HECW1: variants seen among roughly 807,000 people sequenced by gnomAD.
HECW1 encodes HECT, C2 and WW domain containing E3 ubiquitin protein ligase 1.
Under a neutral mutation model 182.3 loss-of-function variants are expected in HECW1, and 61 were observed. That is an observed-to-expected ratio of 0.33 (90% CI 0.27 to 0.41). HECW1 has a LOEUF of 0.41. Ranked by LOEUF, HECW1 falls within the 10% of genes least tolerant of loss-of-function variation. The pLI is 1.00. For synonymous variants in HECW1, 859 were observed against 832.6 expected (o/e 1.03, Z -0.55); for missense variants, 1,739 against 2,108.9 (o/e 0.82, Z 3.44).
intron 2 of HECW1, among the ~76,000 whole-genome samples, chr7:43,170,419 G>A (rs1200841453): frequency 6.6e-6 from 1 of 152,138 alleles, no homozygotes; most frequent in African/African-American, 2.4e-5. Context: ...CAAAAAGGTT[G>A]GAGACCGCTG....
intron 24 of HECW1, among the ~76,000 whole-genome samples, chr7:43,525,183 G>A (rs987297778): frequency 1.3e-5 from 2 of 152,090 alleles, no homozygotes; most frequent in Middle Eastern, 3.2e-3. Context: ...CCCAATAATC[G>A]GTCGGAATAT....
intron 3 of HECW1, among the ~76,000 whole-genome samples, chr7:43,291,638 T>G (rs1345779509): frequency 6.6e-6 from 1 of 152,244 alleles, no homozygotes; most frequent in African/African-American, 2.4e-5. Context: ...TACGATTTAT[T>G]CTTCAACAAC....
At position 43,507,157 on chromosome 7, in the gene HECW1, A is replaced by G. The variant is rs1421764020; in HGVS notation, c.3652A>G (p.Arg1218Gly). The G allele has an allele frequency of 1.9e-6, 3 of 1,613,840 alleles. No individual in the cohort carries two copies. Among genetic ancestry groups the G allele is most frequent in the Admixed American group, 3.3e-5 (2 of 59,992 alleles). The change falls in exon 22 of 30, where the codon AGA (arginine) becomes GGA (glycine). Residue 1218 changes from arginine (R) to glycine (G), a missense_variant. Transcript: ENST00000395891. ...NSPGLQRASA[R>G]APSPYRRDFE... ...TGCAGGTTTACAGAGAGCCAGTGCA[A>G]GAGCCCCTTCCCCCTACCGAAGAGA...
chr7:43,480,614 T>C (rs1307468966), intron 17 of HECW1, among the ~76,000 whole-genome samples: 2 of 150,938 alleles, frequency 1.3e-5, no homozygotes, highest in African/African-American at 2.4e-5. Context: ...AGTGAGTTTG[T>C]GTGTGTGTGC....
At chr7:43,279,708 T>A (rs1346756012) in intron 3 of HECW1, among the ~76,000 whole-genome samples, 1 of 152,216 alleles carries the variant, frequency 6.6e-6, no homozygotes, top group Non-Finnish European at 1.5e-5. Flanking sequence ...TCTCCCACCT[T>A]GATTCTCTTA....
chr7:43,221,558 T>G (rs1277326190), intron 2 of HECW1, among the ~76,000 whole-genome samples: 9 of 107,712 alleles, frequency 8.4e-5, no homozygotes, highest in Admixed American at 3.9e-4. Flanking sequence ...TTTTTTTTTT[T>G]TTTTTTTTTT....
chr7:43,466,480 A>T lies in HECW1; in HGVS notation c.2825A>T (p.Asn942Ile). The stretch of plus-strand genomic sequence containing the variant: ...AGAGAAGGGTCACTTTCTCCAGTGA[A>T]CTCACAAAAAATCACCTTGCTGCTG... ...LRREGSLSPV[N>I]SQKITLLLQS... The change falls in exon 15 of 30, where the codon AAC becomes ATC. Residue 942 changes from asparagine to isoleucine, a missense_variant. By Grantham distance (149) the Asn-to-Ile change is moderately radical (BLOSUM62 -3). This residue lies in a region of HECW1 where 971 missense variants were observed against 1,029.1 expected (regional missense o/e 0.94). Transcript: ENST00000395891. The T allele has an allele frequency of 6.2e-7, 1 of 1,613,752 alleles. No individual in the cohort carries two copies. The highest frequency in any genetic ancestry group is 8.5e-7 in the Non-Finnish European group (1 of 1,179,766).
intron 2 of HECW1, among the ~76,000 whole-genome samples, chr7:43,155,455 A>C (rs1789781197): frequency 6.6e-6 from 1 of 152,250 alleles, no homozygotes; most frequent in Non-Finnish European, 1.5e-5. Flanking sequence ...AATAGGAAGA[A>C]CAAGTAAACA....
intron 2 of HECW1, among the ~76,000 whole-genome samples, chr7:43,141,316 C>T (rs1788126872): frequency 6.6e-6 from 1 of 152,194 alleles, no homozygotes; most frequent in Non-Finnish European, 1.5e-5. Context: ...GCCACCTGTC[C>T]AGGAATTGCC....
rs1341523258 is a variant in HECW1 at position 43,129,972 on chromosome 7, G to A, written c.-32+15581G>A. Reference sequence around the variant, plus strand: ...GTCTGTACATGTTCATATAGATGCAGTTTTTTCTCAAATATTTTCAATCTG... The same window carrying A: ...GTCTGTACATGTTCATATAGATGCAATTTTTTCTCAAATATTTTCAATCTG... On this transcript the variant is annotated intron_variant, in intron 2 of 29. Transcript: ENST00000395891. Among the ~76,000 whole-genome samples, 4 of 152,290 alleles carry A rather than the reference G, an allele frequency of 2.6e-5. No individual in the cohort carries two copies. In the South Asian group the frequency reaches 8.3e-4, roughly 32 times the overall value.
At chr7:43,464,321 C>A (rs2077686797) in intron 14 of HECW1, among the ~76,000 whole-genome samples, 1 of 152,118 alleles carries the variant, frequency 6.6e-6, no homozygotes, top group South Asian at 2.1e-4. Context: ...AAATTCAGTT[C>A]CCCCAAGAGA....
At chr7:43,467,376 C>T (rs1017010561) in intron 15 of HECW1, among the ~76,000 whole-genome samples, 6 of 152,074 alleles carry the variant, frequency 3.9e-5, no homozygotes, top group Non-Finnish European at 8.8e-5. Context: ...AGAAAGGATG[C>T]ACCCGTGAGG....
chr7:43,115,171 C>T (rs189151363), intron 2 of HECW1, among the ~76,000 whole-genome samples: 246 of 152,282 alleles, frequency 1.6e-3, no homozygotes, highest in Non-Finnish European at 2.3e-3. Flanking sequence ...ATAATTATAA[C>T]GTGAACCATG....
chr7:43,280,178 G>C (rs979812437), intron 3 of HECW1, among the ~76,000 whole-genome samples: 4 of 152,186 alleles, frequency 2.6e-5, no homozygotes, highest in African/African-American at 9.7e-5. Flanking sequence ...GCTCCAAGGA[G>C]AGAGTGCCTC....
intron 24 of HECW1, among the ~76,000 whole-genome samples, chr7:43,531,259 G>A (rs1435955870): frequency 6.6e-6 from 1 of 152,180 alleles, no homozygotes; most frequent in Non-Finnish European, 1.5e-5. Context: ...AGGCCTGCCT[G>A]GATTTAACCC....
At chr7:43,137,053 T>C (rs151029334) in intron 2 of HECW1, among the ~76,000 whole-genome samples, 113 of 152,346 alleles carry the variant, frequency 7.4e-4, no homozygotes, top group African/African-American at 2.5e-3. Context: ...CTGTTAGAGT[T>C]AAGCAGTGAG....
chr7:43,434,222 C>T (rs2152868227), intron 8 of HECW1, among the ~76,000 whole-genome samples: 1 of 152,236 alleles, frequency 6.6e-6, no homozygotes, highest in Non-Finnish European at 1.5e-5. Flanking sequence ...GGATTAGTGG[C>T]CATTAAGGGC....
chr7:43,305,163 T>C (rs1807395751), intron 3 of HECW1, among the ~76,000 whole-genome samples: 1 of 152,220 alleles, frequency 6.6e-6, no homozygotes, highest in Non-Finnish European at 1.5e-5. Flanking sequence ...GCGATGACCT[T>C]GGCTTTTGTC....
At chr7:43,153,214 A>G (rs1366631283) in intron 2 of HECW1, among the ~76,000 whole-genome samples, 1 of 152,082 alleles carries the variant, frequency 6.6e-6, no homozygotes, top group Non-Finnish European at 1.5e-5. Flanking sequence ...GTTAAAAAAT[A>G]TATGGATTGT....
Sources: allele counts gnomAD v4.1 joint callset (sites outside exome capture counted in the v4.1 genomes callset), GRCh38; gene constraint gnomAD v4.1.1; regional missense constraint gnomAD v4.1.1; transcripts MANE v1.5; gene names NCBI Gene and HGNC (gene_info 2026-07-23, HGNC 2026-07-21).